The following TRIM33 variants were observed in gnomAD, a reference collection of about 807,000 sequenced individuals.
TRIM33 encodes E3 ubiquitin-protein ligase TRIM33.
A neutral mutation model predicts 125.4 loss-of-function variants in TRIM33; 20 were observed. The observed-to-expected ratio is 0.16, with a 90% CI of 0.11 to 0.23. The LOEUF is 0.23. Ranked by LOEUF, TRIM33 falls within the 10% of genes least tolerant of loss-of-function variation. TRIM33 has a pLI of 1.00. For synonymous variants in TRIM33, 564 were observed against 513.9 expected, an observed-to-expected ratio of 1.10 and a Z score of -1.32; for missense variants, 920 against 1,411.4, an observed-to-expected ratio of 0.65 and a Z score of 5.58.
chr1:114,490,017 G>A (rs1473080591), intron 1 of TRIM33, among the ~76,000 whole-genome samples: 1 of 144,290 alleles, frequency 6.9e-6, no homozygotes, highest in Non-Finnish European at 1.5e-5. Flanking sequence ...TTAGGAGGCC[G>A]AGGCAGGAAG....
chr1:114,416,621 C>G (rs985616223), intron 11 of TRIM33, among the ~76,000 whole-genome samples: 2 of 152,186 alleles, frequency 1.3e-5, no homozygotes, highest in South Asian at 2.1e-4. Flanking sequence ...TATCTACACA[C>G]TAAAGTATAA....
At chr1:114,402,115 G>T (rs931016923) in intron 16 of TRIM33, among the ~76,000 whole-genome samples, 1 of 152,142 alleles carries the variant, frequency 6.6e-6, no homozygotes, top group African/African-American at 2.4e-5. Flanking sequence ...ATGCAAAAGA[G>T]TCTGTCTTTG....
chr1:114,406,391 G>C (rs894795404), intron 14 of TRIM33, among the ~76,000 whole-genome samples: 1 of 152,114 alleles, frequency 6.6e-6, no homozygotes, highest in Non-Finnish European at 1.5e-5. Context: ...CGGTCAGAAA[G>C]AGAAAACAAA....
At chr1:114,462,999 A>G in intron 4 of TRIM33, 105 bp downstream of exon 4, 1 of 875,172 alleles carries the variant, frequency 1.1e-6, no homozygotes, top group Non-Finnish European at 1.6e-6. Context: ...TACAGATTTA[A>G]AAGATTAAGA....
At chr1:114,507,287 C>T (rs1258811429) in intron 1 of TRIM33, among the ~76,000 whole-genome samples, 1 of 152,130 alleles carries the variant, frequency 6.6e-6, no homozygotes, top group East Asian at 1.9e-4. Flanking sequence ...CGGAATGCGG[C>T]CCAAGAATCT....
intron 1 of TRIM33, among the ~76,000 whole-genome samples, chr1:114,495,810 A>G (rs1652335172): frequency 6.6e-6 from 1 of 152,254 alleles, no homozygotes. Context: ...CATTAAGAGC[A>G]GAAATAGTAA....
intron 1 of TRIM33, among the ~76,000 whole-genome samples, chr1:114,474,100 T>A (rs1401036661): frequency 6.6e-6 from 1 of 152,020 alleles, no homozygotes; most frequent in African/African-American, 2.4e-5. Flanking sequence ...AGGGTCTCAC[T>A]ATATCACCCA....
chr1:114,410,085 T>G (rs1350810044), intron 12 of TRIM33, 99 bp downstream of exon 12: 1 of 1,374,090 alleles, frequency 7.3e-7, no homozygotes, highest in East Asian at 2.3e-5. Context: ...CAAGTAGACC[T>G]CCTACTTATT....
intron 15 of TRIM33, among the ~76,000 whole-genome samples, chr1:114,403,849 T>C (rs904184078): frequency 2.0e-5 from 3 of 151,916 alleles, no homozygotes; most frequent in East Asian, 1.9e-4. Context: ...TTAGTAGAGA[T>C]TGGGTTTTTT....
chr1:114,494,757 C>A (rs1039588400), intron 1 of TRIM33, among the ~76,000 whole-genome samples: 3 of 152,162 alleles, frequency 2.0e-5, no homozygotes, highest in African/African-American at 7.2e-5. Context: ...TGCTAGTTTA[C>A]TTAAGTACTT....
At chr1:114,473,400 C>A (rs1000540565) in intron 1 of TRIM33, among the ~76,000 whole-genome samples, 2 of 152,026 alleles carry the variant, frequency 1.3e-5, no homozygotes, top group African/African-American at 4.8e-5. Flanking sequence ...GCACATGGCC[C>A]CTGCTGCTGT....
intron 13 of TRIM33, 110 bp downstream of exon 13, chr1:114,408,567 T>C: frequency 1.5e-6 from 1 of 674,224 alleles, no homozygotes; most frequent in Non-Finnish European, 2.6e-6. Flanking sequence ...TGATCACTGT[T>C]AAAGCTGAGT....
chr1:114,405,889 T>G, intron 14 of TRIM33, 130 bp from the exon 15 acceptor site: 1 of 824,690 alleles, frequency 1.2e-6, no homozygotes, highest in East Asian at 2.7e-5. Context: ...TAGATCACAA[T>G]AGTGCCATAA....
rs1647919963 is a variant in TRIM33 at position 114,431,038 on chromosome 1, T to A, written c.1041-126A>T. 7.8e-6 allele frequency: 5 copies of A among 641,298 alleles called. No homozygotes were observed. The South Asian group carries it at 9.4e-5, about 12-fold the overall frequency. 39.7% of individuals were successfully genotyped at this position (641,298 alleles called of 1,614,324 possible). A position where few individuals can be genotyped will look rare whatever the true frequency, so the allele number is the denominator to read the frequency against. On this transcript the variant is annotated intron_variant, in intron 5 of 19. Transcript: ENST00000358465. ...TTAAAATGAAAACTTTGTCAAAATGTACAACTCATGTTTCAGCAGACCTGA... is the reference window on the plus strand; with the variant it reads ...TTAAAATGAAAACTTTGTCAAAATGAACAACTCATGTTTCAGCAGACCTGA...
At chr1:114,432,519 G>A (rs1648024138) in intron 5 of TRIM33, among the ~76,000 whole-genome samples, 1 of 152,136 alleles carries the variant, frequency 6.6e-6, no homozygotes, top group Admixed American at 6.5e-5. Flanking sequence ...GGGCACAGTG[G>A]CTCAGGCCTA....
intron 4 of TRIM33, among the ~76,000 whole-genome samples, chr1:114,440,068 G>C (rs1447557729): frequency 6.6e-6 from 1 of 152,128 alleles, no homozygotes; most frequent in Non-Finnish European, 1.5e-5. Flanking sequence ...AAAGTGTTAT[G>C]ACCTTAACAT....
chr1:114,415,317 CA>C (rs1460461931), intron 11 of TRIM33, among the ~76,000 whole-genome samples: 7 of 152,016 alleles, frequency 4.6e-5, no homozygotes, highest in Non-Finnish European at 8.8e-5. Context: ...TAAAATAAAA[CA>C]GTGACAAAGT....
chr1:114,504,509 T>C (rs1652887080), intron 1 of TRIM33, among the ~76,000 whole-genome samples: 1 of 152,220 alleles, frequency 6.6e-6, no homozygotes, highest in African/African-American at 2.4e-5. Context: ...TTAATATAAA[T>C]GTCAGCGCAG....
intron 1 of TRIM33, among the ~76,000 whole-genome samples, chr1:114,502,569 T>C (rs1652777332): frequency 6.6e-6 from 1 of 152,218 alleles, no homozygotes; most frequent in South Asian, 2.1e-4. Context: ...TGCAACGGCA[T>C]GATCGCAGTT....
Sources: allele counts gnomAD v4.1 joint callset (sites outside exome capture counted in the v4.1 genomes callset), GRCh38; gene constraint gnomAD v4.1.1; transcripts MANE v1.5; gene names NCBI Gene and HGNC (gene_info 2026-07-23, HGNC 2026-07-21).